Variants in MRPL13 observed in about 807,000 individuals in gnomAD.
MRPL13 encodes mitochondrial ribosomal protein L13.
A neutral mutation model predicts 29.0 loss-of-function variants in MRPL13; 33 were observed. The observed-to-expected ratio is 1.14, with a 90% CI of 0.86 to 1.52. The LOEUF (loss-of-function observed/expected upper bound fraction) is 1.52. Ranked by LOEUF, MRPL13 falls within the 40% of genes most tolerant of loss-of-function variation. MRPL13 has a pLI of 0.00. For synonymous variants in MRPL13, 77 were observed against 68.4 expected (o/e 1.13, Z -0.62); for missense variants, 227 against 216.7 (o/e 1.05, Z -0.30).
intron 6 of MRPL13, among the ~76,000 whole-genome samples, chr8:120,406,304 G>A (rs1812667167): frequency 1.3e-5 from 2 of 152,090 alleles, no homozygotes; most frequent in South Asian, 4.2e-4. Flanking sequence ...GGCCTGTTAA[G>A]AAAAATGTCT....
chr8:120,435,413 G>C (rs551391846), intron 2 of MRPL13, among the ~76,000 whole-genome samples: 5 of 151,848 alleles, frequency 3.3e-5, no homozygotes, highest in Admixed American at 2.6e-4. Flanking sequence ...TTCATGCCCA[G>C]GAGTACCCAA....
At chr8:120,438,915 CTG>C (rs1813084829) in intron 2 of MRPL13, among the ~76,000 whole-genome samples, 3 of 152,272 alleles carry the variant, frequency 2.0e-5, no homozygotes, top group Admixed American at 6.5e-5. Context: ...TTTTTCTGGT[CTG>C]CCAAAAAATA....
chr8:120,440,088 A>C (rs916838572), intron 2 of MRPL13, among the ~76,000 whole-genome samples: 2 of 152,218 alleles, frequency 1.3e-5, no homozygotes, highest in African/African-American at 4.8e-5. Flanking sequence ...AACTTAGTCT[A>C]GTGAAAGAAG....
At chr8:120,412,547 T>C (rs968298768) in intron 6 of MRPL13, among the ~76,000 whole-genome samples, 3 of 152,198 alleles carry the variant, frequency 2.0e-5, no homozygotes, top group African/African-American at 7.2e-5. Context: ...CTTAAGGTTA[T>C]AGAGTCAGCT....
rs757784685 is a variant in MRPL13, at chr8:120,445,095, A to G, written c.-1T>C. The G allele has an allele frequency of 2.8e-5, 45 of 1,613,794 alleles. No homozygotes were observed. Among genetic ancestry groups the G allele is most frequent in the Middle Eastern group, 3.3e-4 (2 of 6,082 alleles). ...GGGGCGCCCTAGAGAAACTCGACATATTCCTCTACTAGCAGGACCGTACGT... is the reference window on the plus strand; with the variant it reads ...GGGGCGCCCTAGAGAAACTCGACATGTTCCTCTACTAGCAGGACCGTACGT... On this transcript the variant is annotated 5_prime_UTR_variant, in exon 1 of 7. Coordinates refer to ENST00000306185, the MANE Select transcript of MRPL13 (RefSeq NM_014078.6).
chr8:120,400,742 A>AAATAAATAAAT (rs1491384934), intron 6 of MRPL13, among the ~76,000 whole-genome samples: 2 of 76,708 alleles, frequency 2.6e-5, no homozygotes, highest in African/African-American at 7.0e-5. Context: ...ATAAATAAAT[A>AAATAAATAAAT]AAAAAAATAG....
chr8:120,417,174 TTTATG>T (rs947854873), intron 5 of MRPL13, among the ~76,000 whole-genome samples: 12 of 152,186 alleles, frequency 7.9e-5, no homozygotes, highest in Admixed American at 5.2e-4. Context: ...GGCCATATAG[TTTATG>T]TTGAGTGTTC....
chr8:120,444,826 T>TCCCCC, intron 1 of MRPL13: 1 of 503,122 alleles, frequency 2.0e-6, no homozygotes, highest in South Asian at 2.0e-5. Context: ...CTAATCCTCT[T>TCCCCC]CCCCCCGCCC....
At chr8:120,405,569 G>A (rs189884946) in intron 6 of MRPL13, among the ~76,000 whole-genome samples, 84 of 152,282 alleles carry the variant, frequency 5.5e-4, no homozygotes, top group African/African-American at 1.8e-3. Context: ...AGACAGAGGA[G>A]CACCTTCAGT....
chr8:120,441,639 C>T (rs1813125606), intron 2 of MRPL13, among the ~76,000 whole-genome samples: 1 of 152,090 alleles, frequency 6.6e-6, no homozygotes, highest in Admixed American at 6.5e-5. Flanking sequence ...AGGAACATAA[C>T]AACTAAAGAC....
At position 120,443,278 on chromosome 8, in the gene MRPL13, G is replaced by C. The variant is rs1274186117; in HGVS notation, c.58C>G (p.Leu20Val). Residue 20 changes from leucine to valine, a missense_variant, in exon 2 of 7, where the codon CTC becomes GTC. Coordinates refer to ENST00000306185, the MANE Select transcript of MRPL13 (RefSeq NM_014078.6). ...QWATFARIWY[L>V]LDGKMQPPGK... Reference sequence around the variant, plus strand: ...GGTGGCTGCATTTTCCCATCTAAGAGATACCATATTCTAGCAAAAGTGGCC... The same window carrying C: ...GGTGGCTGCATTTTCCCATCTAAGACATACCATATTCTAGCAAAAGTGGCC... 2.5e-6 allele frequency: 4 copies of C among 1,588,650 alleles called. No homozygotes were observed. Among genetic ancestry groups the C allele is most frequent in the Non-Finnish European group, 3.4e-6 (4 of 1,171,120 alleles).
intron 2 of MRPL13, among the ~76,000 whole-genome samples, chr8:120,441,504 A>C (rs1355380516): frequency 2.6e-5 from 4 of 152,172 alleles, no homozygotes; most frequent in Non-Finnish European, 5.9e-5. Flanking sequence ...AAACAAGTGA[A>C]TCCAGGGAAA....
intron 6 of MRPL13, among the ~76,000 whole-genome samples, chr8:120,413,003 C>T (rs1013494865): frequency 2.0e-4 from 30 of 152,112 alleles, no homozygotes; most frequent in African/African-American, 6.0e-4. Context: ...ACATGTAAAG[C>T]ACACAATAAA....
At chr8:120,397,776 G>A (rs886420941) in intron 6 of MRPL13, among the ~76,000 whole-genome samples, 1 of 152,026 alleles carries the variant, frequency 6.6e-6, no homozygotes, top group African/African-American at 2.4e-5. Flanking sequence ...ATTTGACACA[G>A]CCATTCCAGC....
chr8:120,444,961 G>A (rs1813186575), intron 1 of MRPL13, 107 bp downstream of exon 1: 1 of 1,482,250 alleles, frequency 6.7e-7, no homozygotes, highest in Non-Finnish European at 9.4e-7. Flanking sequence ...TTGGCCGAGG[G>A]TCTCGGCTTC....
chr8:120,426,005 T>C (rs909493413), intron 3 of MRPL13, among the ~76,000 whole-genome samples: 1 of 152,082 alleles, frequency 6.6e-6, no homozygotes, highest in Non-Finnish European at 1.5e-5. Flanking sequence ...GAATCTAGGT[T>C]TTGTCAGTGA....
At chr8:120,419,337 CAATAT>C (rs775722064) in intron 5 of MRPL13, among the ~76,000 whole-genome samples, 13 of 151,714 alleles carry the variant, frequency 8.6e-5, no homozygotes, top group African/African-American at 2.4e-4. Context: ...GTACTTAAAA[CAATAT>C]AATACTAATA....
intron 6 of MRPL13, among the ~76,000 whole-genome samples, chr8:120,402,277 C>T (rs936783143): frequency 6.6e-5 from 10 of 152,042 alleles, no homozygotes; most frequent in African/African-American, 1.7e-4. Flanking sequence ...TAACCAAAAT[C>T]GTGTGGTACT....
chr8:120,435,296 T>C (rs1254959850), intron 2 of MRPL13, among the ~76,000 whole-genome samples: 3 of 152,110 alleles, frequency 2.0e-5, no homozygotes, highest in Non-Finnish European at 4.4e-5. Context: ...GGGTTGAATA[T>C]ACAGATTATT....
Sources: gnomAD v4.1 joint callset for allele counts (sites outside exome capture counted in the v4.1 genomes callset) on GRCh38, gnomAD v4.1.1 for gene constraint, MANE v1.5 for transcripts, NCBI Gene and HGNC (gene_info 2026-07-23, HGNC 2026-07-21) for gene names.